STX1A: variants seen among roughly 807,000 people sequenced by gnomAD.
STX1A encodes syntaxin 1A.
Under a neutral mutation model 37.8 loss-of-function variants are expected in STX1A, and 4 were observed. The observed-to-expected ratio is 0.11, with a 90% CI of 0.05 to 0.24. The LOEUF is 0.24. Among genes scored for constraint, STX1A ranks in the 10% least tolerant of loss-of-function variants. The probability of loss-of-function intolerance (pLI) is 1.00; values close to 1 mark genes in which losing one functional copy is unlikely to be tolerated. For missense variants in STX1A, 251 were observed against 399.9 expected (o/e 0.63, Z 3.18); for synonymous variants, 135 against 147.4 (o/e 0.92, Z 0.61).
chr7:73,709,149 G>A lies in STX1A; in HGVS notation c.31-27C>T. The A allele has an allele frequency of 6.2e-7, 1 of 1,608,040 alleles. No homozygotes were observed. Among genetic ancestry groups the A allele is most frequent in the Non-Finnish European group, 8.5e-7 (1 of 1,178,928 alleles). ...TGTGCGGGGTTGTGCACACATAAGT[G>A]GACGTATGTACAGGACCCACCTGTA... On this transcript the variant is annotated intron_variant, in intron 1 of 9. Transcript: ENST00000222812. The surrounding 1 kb of genome is among the most constrained non-coding windows in gnomAD (Gnocchi z 4.2).
chr7:73,710,464 C>T (rs1554617796), intron 1 of STX1A, among the ~76,000 whole-genome samples: 1 of 152,152 alleles, frequency 6.6e-6, no homozygotes, highest in African/African-American at 2.4e-5. Context: ...CTCGCACTGT[C>T]ACCTAGGCTG....
In STX1A at chr7:73,709,847, A is replaced by C. The variant is rs1554617679; in HGVS notation, c.31-725T>G. ...CCCCAGTCCCGAGGTGGCACGGATC[A>C]GATCTCTTAGGAATCTCCTGTGAGT... On this transcript the variant is annotated intron_variant, in intron 1 of 9. Transcript: ENST00000222812. This position sits in a 1 kb window ranked among gnomAD's most constrained non-coding sequence, Gnocchi z 4.2. 6.6e-6 allele frequency among the ~76,000 whole-genome samples: 1 copy of C among 152,232 alleles called. No individual in the cohort carries two copies. The highest frequency in any genetic ancestry group is 1.5e-5 in the Non-Finnish European group (1 of 68,050).
In STX1A at chr7:73,702,602, G is replaced by T. The variant is rs1373500935; in HGVS notation, c.678+243C>A. On this transcript the variant is annotated intron_variant, in intron 8 of 9. Coordinates refer to ENST00000222812, the MANE Select transcript of STX1A (RefSeq NM_004603.4). This position sits in a 1 kb window ranked among gnomAD's most constrained non-coding sequence, Gnocchi z 4.7. ...AACAGTAGTAGGGGAATGAGAGACGGCGGGGTATAGAGGGTGGGGCCATGC... is the reference window on the plus strand; with the variant it reads ...AACAGTAGTAGGGGAATGAGAGACGTCGGGGTATAGAGGGTGGGGCCATGC... 2 of 1,226,650 alleles carry T rather than the reference G, an allele frequency of 1.6e-6. No homozygotes were observed. The highest frequency in any genetic ancestry group is 3.1e-5 in the African/African-American group (2 of 65,374). 76.0% of individuals were successfully genotyped at this position (1,226,650 alleles called of 1,614,324 possible). A position where few individuals can be genotyped will look rare whatever the true frequency, so the allele number is the denominator to read the frequency against.
Position 73,702,598 on chromosome 7 carries a change from G to C in STX1A, c.678+247C>G, listed in dbSNP as rs1338055409. Reference sequence around the variant, plus strand: ...AGGAAACAGTAGTAGGGGAATGAGAGACGGCGGGGTATAGAGGGTGGGGCC... The same window carrying C: ...AGGAAACAGTAGTAGGGGAATGAGACACGGCGGGGTATAGAGGGTGGGGCC... On this transcript the variant is annotated intron_variant, in intron 8 of 9. Transcript: ENST00000222812. This position sits in a 1 kb window ranked among gnomAD's most constrained non-coding sequence, Gnocchi z 4.7. 5 of 1,208,768 alleles carry C rather than the reference G, an allele frequency of 4.1e-6. No individual in the cohort carries two copies. Among genetic ancestry groups the C allele is most frequent in the Non-Finnish European group, 5.6e-6 (5 of 897,524 alleles). The allele number at this position is 1,208,768 out of a possible 1,614,324, so 74.9% of individuals were successfully genotyped here.
chr7:73,700,599 C>T lies in STX1A; in HGVS notation c.790-115G>A, dbSNP rs888072661. On this transcript the variant is annotated intron_variant, in intron 9 of 9. Coordinates refer to ENST00000222812, the MANE Select transcript of STX1A (RefSeq NM_004603.4). This position sits in a 1 kb window ranked among gnomAD's most constrained non-coding sequence, Gnocchi z 4.4. ...GGGGGATCCAAGCAGGGGAAGGTGA[C>T]GGCCTGGGAGGGGGCTGTCATGGGG... 168 of 1,485,118 alleles carry T rather than the reference C, an allele frequency of 1.1e-4. 1 individual carries two copies. Among genetic ancestry groups the T allele is most frequent in the Non-Finnish European group, 1.3e-4 (137 of 1,092,176 alleles). The allele number at this position is 1,485,118 out of a possible 1,614,324, so 92.0% of individuals were successfully genotyped here.
chr7:73,712,443 A>G (rs1171048919), intron 1 of STX1A, among the ~76,000 whole-genome samples: 13 of 149,032 alleles, frequency 8.7e-5, no homozygotes, highest in African/African-American at 3.0e-4. Context: ...TTCTTCCTCG[A>G]TGCCACCTCC....
intron 2 of STX1A, 122 bp from the exon 3 acceptor site, chr7:73,708,810 T>G: frequency 9.2e-7 from 1 of 1,090,724 alleles, no homozygotes; most frequent in Non-Finnish European, 1.3e-6. Flanking sequence ...AGGCTCCGGG[T>G]GCTGGGGTGC....
chr7:73,718,795 C>G (rs532645334), intron 1 of STX1A, among the ~76,000 whole-genome samples: 1 of 152,206 alleles, frequency 6.6e-6, no homozygotes, highest in African/African-American at 2.4e-5. Flanking sequence ...TTTGTGCATC[C>G]TCCTACTCCC....
chr7:73,701,654 C>T (rs774532256), intron 8 of STX1A, among the ~76,000 whole-genome samples: 12 of 152,198 alleles, frequency 7.9e-5, no homozygotes, highest in Non-Finnish European at 1.5e-4. Flanking sequence ...ACTCCTAGGG[C>T]GTGTCTCCCT....
intron 4 of STX1A, chr7:73,704,825 C>T (rs782819291): frequency 1.7e-5 from 9 of 518,460 alleles, no homozygotes; most frequent in Non-Finnish European, 3.1e-5. Flanking sequence ...CGTGTCTGTT[C>T]ACCCAGAATA....
At chr7:73,714,580 G>A (rs575821765) in intron 1 of STX1A, among the ~76,000 whole-genome samples, 2 of 151,936 alleles carry the variant, frequency 1.3e-5, no homozygotes, top group East Asian at 1.9e-4. Context: ...TTAAATTTGT[G>A]TAGAGATGGT....
intron 1 of STX1A, among the ~76,000 whole-genome samples, chr7:73,710,660 G>C (rs1209247780): frequency 6.6e-6 from 1 of 152,146 alleles, no homozygotes; most frequent in African/African-American, 2.4e-5. Flanking sequence ...CCTGACCTCA[G>C]GTGATCCACC....
chr7:73,702,430 C>A lies in STX1A; in HGVS notation c.678+415G>T, dbSNP rs1315241702. On this transcript the variant is annotated intron_variant, in intron 8 of 9. Coordinates refer to ENST00000222812, the MANE Select transcript of STX1A (RefSeq NM_004603.4). The surrounding 1 kb of genome is among the most constrained non-coding windows in gnomAD (Gnocchi z 4.7). ...TCCAGGTGACTCATTCAAGTTTGAG[C>A]CCCACTGGAGAACCTTCGATTTGTT... is the stretch of plus-strand genomic sequence containing the variant. 4 of 335,454 alleles carry A rather than the reference C, an allele frequency of 1.2e-5. No individual in the cohort carries two copies. The highest frequency in any genetic ancestry group is 2.2e-5 in the Non-Finnish European group (4 of 185,964). 20.8% of individuals were successfully genotyped at this position (335,454 alleles called of 1,614,324 possible). A position where few individuals can be genotyped will look rare whatever the true frequency, so the allele number is the denominator to read the frequency against.
chr7:73,704,418 C>G lies in STX1A; in HGVS notation c.289G>C (p.Glu97Gln). 6.2e-7 allele frequency: 1 copy of G among 1,614,160 alleles called. No homozygotes were observed. The highest frequency in any genetic ancestry group is 1.3e-5 in the African/African-American group (1 of 75,056). ...NKVRSKLKSI[E>Q]QSIEQEEGLN... ...CCTTCCTCTTGCTCGATGGACTGCT[C>G]GATGCCTGGGGGCACAGGTGGCTGC... Residue 97 changes from glutamate to glutamine, a missense_variant, in exon 5 of 10, where the codon GAG becomes CAG. Around this residue, in one of 2 missense-constraint regions of STX1A, gnomAD observed 214 missense variants for 367.6 expected, o/e 0.58. Coordinates refer to ENST00000222812, the MANE Select transcript of STX1A (RefSeq NM_004603.4).
chr7:73,719,586 C>T lies in STX1A; in HGVS notation c.30+16G>A. 8.3e-7 allele frequency: 1 copy of T among 1,208,744 alleles called. No individual in the cohort carries two copies. The highest frequency in any genetic ancestry group is 1.0e-6 in the Non-Finnish European group (1 of 968,414). The allele number at this position is 1,208,744 out of a possible 1,614,324, so 74.9% of individuals were successfully genotyped here. A position where few individuals can be genotyped will look rare whatever the true frequency, so the allele number is the denominator to read the frequency against. On this transcript the variant is annotated intron_variant, in intron 1 of 9. Transcript: ENST00000222812. Reference sequence around the variant, plus strand: ...GCGGCGGGCGGCGGGCGGCCGCGCGCTGGGGCCGGACTCACCGTGCGGAGC... The same window carrying T: ...GCGGCGGGCGGCGGGCGGCCGCGCGTTGGGGCCGGACTCACCGTGCGGAGC...
At position 73,706,278 on chromosome 7, in the gene STX1A, G is replaced by A. The variant is rs1302317981; in HGVS notation, c.209-1054C>T. ...CGGGGAAGGGGGGGTTCCGAGGCGC[G>A]GAGGAGGGCGCCTCATCCGTAGGAA... On this transcript the variant is annotated intron_variant, in intron 3 of 9. Transcript: ENST00000222812. The surrounding 1 kb of genome is among the most constrained non-coding windows in gnomAD (Gnocchi z 4.6). 1.3e-5 allele frequency among the ~76,000 whole-genome samples: 2 copies of A among 152,148 alleles called. No individual in the cohort carries two copies. The highest frequency in any genetic ancestry group is 6.5e-5 in the Admixed American group (1 of 15,290).
rs998620365 is a variant in STX1A at position 73,706,097 on chromosome 7, C to T, written c.209-873G>A. On this transcript the variant is annotated intron_variant, in intron 3 of 9. Transcript: ENST00000222812. The surrounding 1 kb of genome is among the most constrained non-coding windows in gnomAD (Gnocchi z 4.6). ...CCCAGGACTCTGCCCCGAGAGAAGC[C>T]GGGACTGAGCTCTGGCTATCACCTT... is the stretch of plus-strand genomic sequence containing the variant. Among the ~76,000 whole-genome samples, 8 of 152,122 alleles carry T rather than the reference C, an allele frequency of 5.3e-5. No homozygotes were observed. Among genetic ancestry groups the T allele is most frequent in the East Asian group, 1.9e-4 (1 of 5,180 alleles).
Position 73,705,222 on chromosome 7 carries a change from T to C in STX1A, c.211A>G (p.Thr71Ala). The change falls in exon 4 of 10, where the codon ACG becomes GCG. Residue 71 changes from threonine (T) to alanine (A), a missense_variant and splice_region_variant. Thr to Ala is a moderately conservative substitution (Grantham distance 58). Coordinates refer to ENST00000222812, the MANE Select transcript of STX1A (RefSeq NM_004603.4). This position sits in a 1 kb window ranked among gnomAD's most constrained non-coding sequence, Gnocchi z 5.2. ...ILASPNPDEK[T>A]KEELEELMSD... ...ATGAGTTCTTCCAGCTCCTCCTTCG[T>C]CTCTGGGGAGGTAGAAAGGGTGGGG... is the stretch of plus-strand genomic sequence containing the variant. 6.2e-7 allele frequency: 1 copy of C among 1,613,926 alleles called. No individual in the cohort carries two copies. Among genetic ancestry groups the C allele is most frequent in the Non-Finnish European group, 8.5e-7 (1 of 1,179,854 alleles).
Position 73,702,694 on chromosome 7 carries a change from C to A in STX1A, c.678+151G>T. 2 of 1,506,810 alleles carry A rather than the reference C, an allele frequency of 1.3e-6. No individual in the cohort carries two copies. The highest frequency in any genetic ancestry group is 2.4e-4 in the Middle Eastern group (1 of 4,154). 93.3% of individuals were successfully genotyped at this position (1,506,810 alleles called of 1,614,324 possible). Reference sequence around the variant, plus strand: ...GACAGGGACCTTCGGGTCGGCAGGGCCCTGGCGGCAGTTTCAACAGCGGGT... The same window carrying A: ...GACAGGGACCTTCGGGTCGGCAGGGACCTGGCGGCAGTTTCAACAGCGGGT... On this transcript the variant is annotated intron_variant, in intron 8 of 9. Transcript: ENST00000222812. The surrounding 1 kb of genome is among the most constrained non-coding windows in gnomAD (Gnocchi z 4.7).
Sources: gnomAD v4.1 joint callset for allele counts (sites outside exome capture counted in the v4.1 genomes callset) on GRCh38, gnomAD v4.1.1 for gene constraint, gnomAD v4.1.1 regional missense constraint, Gnocchi (gnomAD v3.1) non-coding constraint, MANE v1.5 for transcripts, NCBI Gene and HGNC (gene_info 2026-07-23, HGNC 2026-07-21) for gene names.